Variants in TUFT1 observed in about 807,000 individuals in gnomAD.
TUFT1 encodes the protein tuftelin 1, also known as tuftelin.
In TUFT1, 43 loss-of-function variants were observed where a neutral mutation model predicts 57.8. The ratio of observed to expected loss-of-function variants is 0.74; its 90% CI spans 0.58 to 0.96. TUFT1 has a LOEUF of 0.96. Ranked by LOEUF, TUFT1 falls within the 40% of genes least tolerant of loss-of-function variation. The pLI, the probability that TUFT1 is intolerant of heterozygous loss-of-function variation, is 0.00. For synonymous variants in TUFT1, 166 were observed against 176.7 expected, an observed-to-expected ratio of 0.94 and a Z score of 0.48; for missense variants, 459 against 489.0, an observed-to-expected ratio of 0.94 and a Z score of 0.58.
intron 1 of TUFT1, chr1:151,540,854 A>G (rs1364815761): frequency 5.9e-6 from 1 of 168,262 alleles, no homozygotes; most frequent in Non-Finnish European, 1.3e-5. Context: ...GTGACCTCCG[A>G]GGCCCTCCAA....
chr1:151,554,415 A>T (rs1252405053), intron 1 of TUFT1, among the ~76,000 whole-genome samples: 3 of 152,030 alleles, frequency 2.0e-5, no homozygotes, highest in Admixed American at 6.6e-5. Context: ...TTTTATTGTT[A>T]TTGAGACAGA....
chr1:151,566,703 C>T (rs930779779), intron 6 of TUFT1, among the ~76,000 whole-genome samples: 1 of 152,058 alleles, frequency 6.6e-6, no homozygotes, highest in Non-Finnish European at 1.5e-5. Flanking sequence ...GTTATATACA[C>T]ACCATATATA....
intron 7 of TUFT1, 46 bp from the exon 8 acceptor site, chr1:151,574,224 G>T (rs1220626890): frequency 6.4e-7 from 1 of 1,572,894 alleles, no homozygotes; most frequent in African/African-American, 1.4e-5. Flanking sequence ...TTCCATGTTT[G>T]CTCTTTTTTC....
At chr1:151,560,331 G>T (rs1223847122) in intron 1 of TUFT1, among the ~76,000 whole-genome samples, 1 of 151,908 alleles carries the variant, frequency 6.6e-6, no homozygotes, top group African/African-American at 2.4e-5. Context: ...CAGGAGAATT[G>T]CTTGAGCCCA....
chr1:151,575,122 G>C, intron 9 of TUFT1, 117 bp downstream of exon 9: 1 of 904,988 alleles, frequency 1.1e-6, no homozygotes, highest in Non-Finnish European at 1.7e-6. Flanking sequence ...GCTGATGTCA[G>C]ATCTTCCAGC....
At chr1:151,579,115 T>C (rs1019689410) in intron 10 of TUFT1, among the ~76,000 whole-genome samples, 1 of 152,258 alleles carries the variant, frequency 6.6e-6, no homozygotes, top group African/African-American at 2.4e-5. Context: ...TGAGTCATAA[T>C]AAACTCTGTT....
At chr1:151,566,292 C>A in intron 6 of TUFT1, 64 bp downstream of exon 6, 1 of 1,339,020 alleles carries the variant, frequency 7.5e-7, no homozygotes. Flanking sequence ...TCCTCCCCAT[C>A]CTTTTGTTTA....
chr1:151,549,569 A>G (rs1283212983), intron 1 of TUFT1, among the ~76,000 whole-genome samples: 2 of 152,262 alleles, frequency 1.3e-5, no homozygotes, highest in East Asian at 3.8e-4. Flanking sequence ...CTTTTACATC[A>G]TTCTTGCACA....
At chr1:151,573,486 T>A (rs1418953950) in intron 7 of TUFT1, among the ~76,000 whole-genome samples, 1 of 152,256 alleles carries the variant, frequency 6.6e-6, no homozygotes, top group Non-Finnish European at 1.5e-5. Context: ...GGCTCACTCC[T>A]GTAATCCCAG....
chr1:151,544,120 C>A (rs1665255900), intron 1 of TUFT1, among the ~76,000 whole-genome samples: 1 of 151,342 alleles, frequency 6.6e-6, no homozygotes, highest in Non-Finnish European at 1.5e-5. Flanking sequence ...GTAGCTGGGA[C>A]CACAGGCATA....
intron 1 of TUFT1, among the ~76,000 whole-genome samples, chr1:151,549,198 C>T (rs548750454): frequency 3.3e-5 from 5 of 152,210 alleles, no homozygotes; most frequent in East Asian, 1.9e-4. Context: ...TTTTAGAGTA[C>T]CCAGTAGAGA....
chr1:151,564,410 C>T (rs1362411333), intron 4 of TUFT1, 115 bp from the exon 5 acceptor site: 9 of 734,020 alleles, frequency 1.2e-5, no homozygotes, highest in African/African-American at 1.7e-5. Context: ...TGCAGCCAGT[C>T]GTTAGGACAG....
Position 151,540,339 on chromosome 1 carries a change from G to T in TUFT1, c.-28G>T. 1.2e-6 allele frequency: 2 copies of T among 1,614,012 alleles called. No individual in the cohort carries two copies. The highest frequency in any genetic ancestry group is 1.7e-6 in the Non-Finnish European group (2 of 1,179,940). ...GAGCCAGACAGCGGGGTGGACAAGT[G>T]GCGTGTGTGCTGCGACCCCGAGGGA... On this transcript the variant is annotated 5_prime_UTR_variant, in exon 1 of 13. Coordinates refer to ENST00000368849, the MANE Select transcript of TUFT1 (RefSeq NM_020127.3).
rs144807344 is a variant in TUFT1, at chr1:151,545,306, G to A, written c.60+4880G>A. ...GCCTGGGCAACAAGAGTGAAACTCC[G>A]TCTCAAACAAACAAAAAAAAGAGCA... On this transcript the variant is annotated intron_variant, in intron 1 of 12. Transcript: ENST00000368849. Among the ~76,000 whole-genome samples, 1,057 of 150,770 alleles carry A rather than the reference G, an allele frequency of 7.0e-3. 16 individuals carry two copies. The highest frequency in any genetic ancestry group is 0.025 in the African/African-American group (1,023 of 41,066).
At chr1:151,576,513 G>C (rs572987993) in intron 9 of TUFT1, among the ~76,000 whole-genome samples, 4 of 152,284 alleles carry the variant, frequency 2.6e-5, no homozygotes, top group African/African-American at 9.6e-5. Context: ...GTGGGGTCTA[G>C]GGTACCTACA....
intron 11 of TUFT1, among the ~76,000 whole-genome samples, chr1:151,579,948 C>T (rs79895644): frequency 6.6e-6 from 1 of 152,212 alleles, no homozygotes; most frequent in African/African-American, 2.4e-5. Flanking sequence ...ACCCCCCTGG[C>T]CCCACCTTCA....
Position 151,561,795 on chromosome 1 carries a change from G to A in TUFT1, c.61-296G>A, listed in dbSNP as rs532455431. The stretch of plus-strand genomic sequence containing the variant: ...CTAGAGAAAGAAGAATGCATGCAAT[G>A]TGTTCCCTGTAGTCCAAGAACCAGG... On this transcript the variant is annotated intron_variant, in intron 1 of 12. Coordinates refer to ENST00000368849, the MANE Select transcript of TUFT1 (RefSeq NM_020127.3). 1.2e-4 allele frequency: 163 copies of A among 1,397,790 alleles called. No individual in the cohort carries two copies. The African/African-American group carries it at 2.2e-3, about 19-fold the overall frequency. 86.6% of individuals were successfully genotyped at this position (1,397,790 alleles called of 1,614,324 possible). A position where few individuals can be genotyped will look rare whatever the true frequency, so the allele number is the denominator to read the frequency against.
Position 151,566,840 on chromosome 1 carries a change from A to G in TUFT1, c.480+612A>G, listed in dbSNP as rs1218678502. ...TATATTATAACCTTCTTTCCATGTC[A>G]GTACATATAGATCTACCTCATTCTT... On this transcript the variant is annotated intron_variant, in intron 6 of 12. Transcript: ENST00000368849. Among the ~76,000 whole-genome samples the G allele has an allele frequency of 2.0e-5, 3 of 151,836 alleles. No homozygotes were observed. In the East Asian group the frequency reaches 5.8e-4, roughly 29 times the overall value.
intron 1 of TUFT1, among the ~76,000 whole-genome samples, chr1:151,555,253 G>A (rs572840392): frequency 6.6e-6 from 1 of 150,898 alleles, no homozygotes; most frequent in South Asian, 2.1e-4. Flanking sequence ...TGCTTGAACT[G>A]GGGAGTCAGA....
Sources: allele counts gnomAD v4.1 joint callset (sites outside exome capture counted in the v4.1 genomes callset), GRCh38; gene constraint gnomAD v4.1.1; transcripts MANE v1.5; gene names NCBI Gene and HGNC (gene_info 2026-07-23, HGNC 2026-07-21).